RAD21L1: variants seen among roughly 807,000 people sequenced by gnomAD.
RAD21L1 encodes the protein double-strand-break repair protein rad21-like protein 1.
A neutral mutation model predicts 69.0 loss-of-function variants in RAD21L1; 47 were observed. That is an observed-to-expected ratio of 0.68 (90% CI 0.54 to 0.87). RAD21L1 has a LOEUF of 0.87. Ranked by LOEUF, RAD21L1 falls within the 40% of genes least tolerant of loss-of-function variation. The pLI is 0.00. For synonymous variants in RAD21L1, 177 were observed against 205.8 expected (o/e 0.86, Z 1.20); for missense variants, 583 against 647.6 (o/e 0.90, Z 1.08).
chr20:1,251,320 ATTG>A (rs1392507498), intron 13 of RAD21L1, among the ~76,000 whole-genome samples: 1 of 148,128 alleles, frequency 6.8e-6, no homozygotes, highest in African/African-American at 2.5e-5. Flanking sequence ...TTGATCTATT[ATTG>A]TTATTATTAT....
intron 3 of RAD21L1, among the ~76,000 whole-genome samples, chr20:1,230,315 G>A (rs570970040): frequency 2.6e-5 from 4 of 152,198 alleles, no homozygotes; most frequent in South Asian, 4.1e-4. Context: ...TTAGTTTGTC[G>A]TGCCTGTTTT....
intron 6 of RAD21L1, among the ~76,000 whole-genome samples, chr20:1,238,818 T>TTTATTA (rs1293325822): frequency 6.6e-6 from 1 of 151,826 alleles, no homozygotes; most frequent in East Asian, 1.9e-4. Flanking sequence ...ACATGTTTTA[T>TTTATTA]TTATTATTAT....
chr20:1,236,240 T>C (rs1025517566), intron 5 of RAD21L1, among the ~76,000 whole-genome samples: 2 of 152,192 alleles, frequency 1.3e-5, no homozygotes, highest in Admixed American at 6.5e-5. Flanking sequence ...CTCCTACAAA[T>C]CTTCCTCCAG....
Position 1,246,356 on chromosome 20 carries a change from T to C in RAD21L1, c.1401+51T>C. 1 of 828,090 alleles carries C rather than the reference T, an allele frequency of 1.2e-6. No individual in the cohort carries two copies. Among genetic ancestry groups the C allele is most frequent in the Admixed American group, 3.5e-5 (1 of 28,404 alleles). The allele number at this position is 828,090 out of a possible 1,614,324, so 51.3% of individuals were successfully genotyped here. The stretch of plus-strand genomic sequence containing the variant: ...TGTTCTTAAAAACTTTATTCCTAAA[T>C]ATTTAACACCTTATTTATCTAAAAC... On this transcript the variant is annotated intron_variant, in intron 12 of 13. Transcript: ENST00000683101. The surrounding 1 kb of genome is among the most constrained non-coding windows in gnomAD (Gnocchi z 4.6).
chr20:1,239,275 C>G (rs1447758644), intron 6 of RAD21L1, 37 bp from the exon 7 acceptor site: 2 of 1,112,670 alleles, frequency 1.8e-6, no homozygotes, highest in East Asian at 5.2e-5. Context: ...TGACAGATTC[C>G]AGTCTGTATG....
Position 1,238,122 on chromosome 20 carries a change from A to G in RAD21L1, c.554A>G (p.Glu185Gly), listed in dbSNP as rs1028493924. Residue 185 changes from glutamate to glycine, a missense_variant, in exon 6 of 14, where the codon GAA (glutamate) becomes GGA (glycine). Glu to Gly is a moderately conservative substitution (Grantham distance 98). Coordinates refer to ENST00000683101, the MANE Select transcript of RAD21L1 (RefSeq NM_001384355.1). Reference protein sequence around the residue: ...ILLNSSGPLIEHSSGSLTGER... With the variant: ...ILLNSSGPLIGHSSGSLTGER... ...CTGAATTCCAGTGGTCCTTTAATTG[A>G]ACATAGTTCTGGAAGCCTCACTGGA... 4 of 1,544,278 alleles carry G rather than the reference A, an allele frequency of 2.6e-6. No homozygotes were observed. The African/African-American group carries it at 4.1e-5, about 16-fold the overall frequency.
chr20:1,246,130 TG>T lies in RAD21L1; in HGVS notation c.1309-82del. 1 of 600,846 alleles carries T rather than the reference TG, an allele frequency of 1.7e-6. No homozygotes were observed. Among genetic ancestry groups the T allele is most frequent in the Admixed American group, 3.8e-5 (1 of 26,508 alleles). 37.2% of individuals were successfully genotyped at this position (600,846 alleles called of 1,614,324 possible). A position where few individuals can be genotyped will look rare whatever the true frequency, so the allele number is the denominator to read the frequency against. ...TTAGTTTGAGAAGTGAGCATTCATG[TG>T]ATTAAAGCATTTAATAAAATTAGAT... On this transcript the variant is annotated intron_variant, in intron 11 of 13. Coordinates refer to ENST00000683101, the MANE Select transcript of RAD21L1 (RefSeq NM_001384355.1). This position sits in a 1 kb window ranked among gnomAD's most constrained non-coding sequence, Gnocchi z 4.6.
rs373947496 is a variant in RAD21L1 at position 1,229,292 on chromosome 20, T to C, written c.145-588T>C. 4.9e-4 allele frequency among the ~76,000 whole-genome samples: 74 copies of C among 152,338 alleles called. No homozygotes were observed. The South Asian group carries it at 0.015, about 30-fold the overall frequency. On this transcript the variant is annotated intron_variant, in intron 2 of 13. Transcript: ENST00000683101. ...TACTTTGGGCATCCTACTTAAAATA[T>C]CTGAGTCTCAGTTTTTTCTTCTGTA...
At chr20:1,249,489 A>G (rs1394058044) in intron 13 of RAD21L1, among the ~76,000 whole-genome samples, 1 of 152,218 alleles carries the variant, frequency 6.6e-6, no homozygotes, top group Non-Finnish European at 1.5e-5. Flanking sequence ...ATGCTCACAA[A>G]GTTGTCAGGG....
At chr20:1,253,535 G>T (rs567279738) in intron 13 of RAD21L1, among the ~76,000 whole-genome samples, 152 of 152,278 alleles carry the variant, frequency 1.0e-3, no homozygotes, top group Middle Eastern at 3.4e-3. Flanking sequence ...GACTGCAAGC[G>T]ATCTGCCCTC....
chr20:1,226,663 G>A (rs1488714325), intron 1 of RAD21L1, among the ~76,000 whole-genome samples: 1 of 152,166 alleles, frequency 6.6e-6, no homozygotes, highest in Admixed American at 6.5e-5. Context: ...TTGCGGGCCG[G>A]TTTCCACGGA....
intron 8 of RAD21L1, 135 bp from the exon 9 acceptor site, chr20:1,242,484 C>A: frequency 1.5e-6 from 1 of 683,334 alleles, no homozygotes; most frequent in Non-Finnish European, 2.5e-6. Flanking sequence ...CCGCCCACCT[C>A]AGCCTCTTGA....
chr20:1,243,911 A>C (rs1275730790), intron 10 of RAD21L1, 135 bp from the exon 11 acceptor site: 1 of 717,202 alleles, frequency 1.4e-6, no homozygotes, highest in Non-Finnish European at 2.3e-6. Flanking sequence ...GAGCAATAAG[A>C]AAGTTTGTGT....
At chr20:1,234,221 A>G (rs537732457) in intron 5 of RAD21L1, 30 bp downstream of exon 5, 10 of 920,628 alleles carry the variant, frequency 1.1e-5, no homozygotes, top group Non-Finnish European at 1.7e-5. Context: ...CAAAATTACA[A>G]ATTATAATCA....
rs2087390311 is a variant in RAD21L1, at chr20:1,231,507, G to A, written c.275-19G>A. ...TATAGCATTGTTGCTTATTGAGTAT[G>A]GTTTTTGATCCTTTTCAGGACTGGT... On this transcript the variant is annotated intron_variant, in intron 3 of 13. Coordinates refer to ENST00000683101, the MANE Select transcript of RAD21L1 (RefSeq NM_001384355.1). 7.8e-7 allele frequency: 1 copy of A among 1,288,916 alleles called. No homozygotes were observed. Among genetic ancestry groups the A allele is most frequent in the Non-Finnish European group, 1.1e-6 (1 of 914,588 alleles). 79.8% of individuals were successfully genotyped at this position (1,288,916 alleles called of 1,614,324 possible).
intron 4 of RAD21L1, among the ~76,000 whole-genome samples, chr20:1,232,473 A>C (rs1298721059): frequency 6.6e-6 from 1 of 152,230 alleles, no homozygotes; most frequent in Admixed American, 6.5e-5. Flanking sequence ...AGTATCTATG[A>C]TCAGTTCTCA....
intron 1 of RAD21L1, among the ~76,000 whole-genome samples, chr20:1,226,690 G>T (rs1168971855): frequency 1.3e-5 from 2 of 152,104 alleles, no homozygotes; most frequent in African/African-American, 4.8e-5. Flanking sequence ...CCATCCCGGT[G>T]GCTTCACGTT....
chr20:1,242,848 A>G lies in RAD21L1; in HGVS notation c.1083+3A>G, dbSNP rs760703486. 7.8e-6 allele frequency: 12 copies of G among 1,539,178 alleles called. No homozygotes were observed. The highest frequency in any genetic ancestry group is 1.1e-5 in the Non-Finnish European group (12 of 1,135,572). On this transcript the variant is annotated splice_donor_region_variant and intron_variant, in intron 9 of 13. Transcript: ENST00000683101. ...TGATTCATGCTGAACTGAAAATGGT[A>G]ACGGTTCCTACCCTTCTACATGTGA...
chr20:1,230,285 TTC>T (rs2087363172), intron 3 of RAD21L1, among the ~76,000 whole-genome samples: 1 of 152,204 alleles, frequency 6.6e-6, no homozygotes, highest in South Asian at 2.1e-4. Flanking sequence ...AACTCTGATA[TTC>T]TGTTTTTAAT....
Sources: gnomAD v4.1 joint callset for allele counts (sites outside exome capture counted in the v4.1 genomes callset) on GRCh38, gnomAD v4.1.1 for gene constraint, Gnocchi (gnomAD v3.1) non-coding constraint, MANE v1.5 for transcripts, NCBI Gene and HGNC (gene_info 2026-07-23, HGNC 2026-07-21) for gene names.